EXOC4: variants seen among roughly 807,000 people sequenced by gnomAD.
EXOC4 encodes the protein SEC8-like 1.
In EXOC4, 71 loss-of-function variants were observed where a neutral mutation model predicts 107.2. The ratio of observed to expected loss-of-function variants is 0.66; its 90% confidence interval spans 0.55 to 0.81. EXOC4 has a LOEUF of 0.81. Ranked by LOEUF, EXOC4 falls within the 30% of genes least tolerant of loss-of-function variation. The pLI, the probability that EXOC4 is intolerant of heterozygous loss-of-function variation, is 0.00. For synonymous variants in EXOC4, 456 were observed against 441.2 expected (o/e 1.03, Z -0.42); for missense variants, 1,108 against 1,189.6 (o/e 0.93, Z 1.01).
intron 11 of EXOC4, among the ~76,000 whole-genome samples, chr7:133,863,770 G>T (rs1440716178): frequency 6.6e-6 from 1 of 152,142 alleles, no homozygotes; most frequent in Non-Finnish European, 1.5e-5. Flanking sequence ...GTTTGGAATG[G>T]CTTTCTTGCT....
chr7:133,833,230 A>G (rs1035379937), intron 11 of EXOC4, among the ~76,000 whole-genome samples: 6 of 152,038 alleles, frequency 3.9e-5, no homozygotes, highest in African/African-American at 1.4e-4. Context: ...AAAGGTGAAT[A>G]ATCAGTCCCT....
chr7:133,518,417 C>T (rs1242667862), intron 9 of EXOC4, among the ~76,000 whole-genome samples: 1 of 150,488 alleles, frequency 6.6e-6, no homozygotes, highest in Non-Finnish European at 1.5e-5. Context: ...CATTCATGGC[C>T]TCTCCTATTT....
chr7:133,625,338 T>C (rs1295290139), intron 9 of EXOC4, among the ~76,000 whole-genome samples: 2 of 152,202 alleles, frequency 1.3e-5, no homozygotes, highest in African/African-American at 4.8e-5. Flanking sequence ...TTTATTGCAA[T>C]CCTTATTTTA....
chr7:133,947,941 G>A (rs578182778), intron 14 of EXOC4, among the ~76,000 whole-genome samples: 41 of 152,168 alleles, frequency 2.7e-4, no homozygotes, highest in Non-Finnish European at 4.4e-4. Flanking sequence ...AAAGAGGAGA[G>A]ACAGAAGGAG....
chr7:134,100,305 C>G, the EXOC4 span, among the ~76,000 whole-genome samples: 1 of 73,840 alleles, frequency 1.4e-5, no homozygotes, highest in Non-Finnish European at 3.3e-5. Flanking sequence ...AGCTCCTTCC[C>G]CAGCACCTTC....
At chr7:133,746,589 TTTGC>T (rs1270715589) in intron 10 of EXOC4, among the ~76,000 whole-genome samples, 3 of 152,178 alleles carry the variant, frequency 2.0e-5, no homozygotes, top group African/African-American at 7.2e-5. Context: ...TGCCAGAGAC[TTTGC>T]TTTCCAGTAA....
At chr7:133,459,887 TC>T (rs1798549327) in intron 7 of EXOC4, among the ~76,000 whole-genome samples, 1 of 152,200 alleles carries the variant, frequency 6.6e-6, no homozygotes, top group South Asian at 2.1e-4. Context: ...CATATTTCTG[TC>T]CTCTTTGAAA....
At chr7:133,665,729 C>T (rs1413014884) in intron 10 of EXOC4, among the ~76,000 whole-genome samples, 2 of 152,132 alleles carry the variant, frequency 1.3e-5, no homozygotes, top group African/African-American at 4.8e-5. Context: ...TATAGCATCT[C>T]CATTTGTGAC....
At chr7:133,304,760 C>T (rs977018046) in intron 3 of EXOC4, among the ~76,000 whole-genome samples, 1 of 152,064 alleles carries the variant, frequency 6.6e-6, no homozygotes, top group African/African-American at 2.4e-5. Flanking sequence ...TCTTTAGGAG[C>T]GTGTTTGTAT....
At chr7:133,448,961 T>A (rs575902508) in intron 7 of EXOC4, among the ~76,000 whole-genome samples, 225 of 152,080 alleles carry the variant, frequency 1.5e-3, no homozygotes, top group Admixed American at 3.0e-3. Flanking sequence ...AAAAATTATC[T>A]GGGTGTGGTG....
rs147948806 is a variant in EXOC4, at chr7:133,989,470, C to T, written c.2207-8022C>T. Among the ~76,000 whole-genome samples the T allele has an allele frequency of 1.1e-4, 17 of 152,144 alleles. No individual in the cohort carries two copies. The East Asian group carries it at 2.3e-3, about 21-fold the overall frequency. On this transcript the variant is annotated intron_variant, in intron 14 of 17. Transcript: ENST00000253861. Reference sequence around the variant, plus strand: ...TAGAGGAAAAAGTCCCCAGAAACACCGGCATTATGGATGGACTAAAGGAAG... The same window carrying T: ...TAGAGGAAAAAGTCCCCAGAAACACTGGCATTATGGATGGACTAAAGGAAG...
At chr7:133,735,046 T>TAAAA (rs3076789) in intron 10 of EXOC4, among the ~76,000 whole-genome samples, 1 of 94,740 alleles carries the variant, frequency 1.1e-5, no homozygotes, top group Non-Finnish European at 2.0e-5. Context: ...CCGTCTCTGC[T>TAAAA]AAAAAAAAAA....
intron 11 of EXOC4, among the ~76,000 whole-genome samples, chr7:133,875,519 C>T (rs772346930): frequency 1.3e-5 from 2 of 152,122 alleles, no homozygotes; most frequent in African/African-American, 2.4e-5. Flanking sequence ...AAACTGCCCA[C>T]GAACTGTCTC....
At chr7:134,016,982 C>G (rs1053728707) in intron 17 of EXOC4, among the ~76,000 whole-genome samples, 4 of 152,176 alleles carry the variant, frequency 2.6e-5, no homozygotes, top group African/African-American at 9.7e-5. Flanking sequence ...TCAAAGGTGA[C>G]TTGGCTTGAA....
chr7:134,081,199 TGG>T, the EXOC4 span, among the ~76,000 whole-genome samples: 1 of 151,944 alleles, frequency 6.6e-6, no homozygotes, highest in African/African-American at 2.4e-5. Context: ...AAAAATTAGC[TGG>T]GTTTATTGGC....
chr7:133,593,518 A>C (rs975529432), intron 9 of EXOC4, among the ~76,000 whole-genome samples: 1 of 152,154 alleles, frequency 6.6e-6, no homozygotes, highest in Non-Finnish European at 1.5e-5. Flanking sequence ...TGTTTTGGGG[A>C]GTCTGGATTG....
At chr7:133,473,282 T>G (rs1274751944) in intron 7 of EXOC4, among the ~76,000 whole-genome samples, 1 of 152,236 alleles carries the variant, frequency 6.6e-6, no homozygotes, top group Non-Finnish European at 1.5e-5. Flanking sequence ...GTACTTATCA[T>G]TATATTATTT....
chr7:133,257,800 T>G (rs1437604989), intron 1 of EXOC4, among the ~76,000 whole-genome samples: 1 of 152,224 alleles, frequency 6.6e-6, no homozygotes, highest in Non-Finnish European at 1.5e-5. Flanking sequence ...TTTCAAAAAC[T>G]TAGAAAATCC....
At chr7:134,025,027 G>A (rs1196215644) in intron 17 of EXOC4, among the ~76,000 whole-genome samples, 2 of 152,172 alleles carry the variant, frequency 1.3e-5, no homozygotes, top group South Asian at 2.1e-4. Flanking sequence ...GTCTAGCTTT[G>A]TTTATTTCTG....
Sources: allele counts gnomAD v4.1 joint callset (sites outside exome capture counted in the v4.1 genomes callset), GRCh38; gene constraint gnomAD v4.1.1; transcripts MANE v1.5; gene names NCBI Gene and HGNC (gene_info 2026-07-23, HGNC 2026-07-21).